Variants in ACTR3C observed in about 807,000 individuals in gnomAD.
ACTR3C encodes the protein actin related protein 3C, also known as actin-related protein 3C.
In ACTR3C, 18 loss-of-function variants were observed where a neutral mutation model predicts 26.3. The ratio of observed to expected loss-of-function variants is 0.68; its 90% CI spans 0.47 to 1.01. The LOEUF (loss-of-function observed/expected upper bound fraction) is 1.01. Ranked by LOEUF, ACTR3C falls within the 50% of genes least tolerant of loss-of-function variation. The probability of loss-of-function intolerance (pLI) is 0.00; values close to 1 mark genes in which losing one functional copy is unlikely to be tolerated. For missense variants in ACTR3C, 184 were observed against 250.7 expected (o/e 0.73, Z 1.80); for synonymous variants, 55 against 94.5 (o/e 0.58, Z 2.42).
chr7:150,011,803 G>A, the ACTR3C span, among the ~76,000 whole-genome samples: 11 of 152,070 alleles, frequency 7.2e-5, no homozygotes, highest in African/African-American at 2.4e-4. Flanking sequence ...TACTGTGTTC[G>A]TTCAGCAAAC....
the ACTR3C span, among the ~76,000 whole-genome samples, chr7:149,995,544 G>C: frequency 2.6e-5 from 4 of 152,280 alleles, no homozygotes; most frequent in African/African-American, 9.6e-5. Context: ...TGCAGAGAAA[G>C]CTGCACAGAC....
At chr7:150,166,006 A>G in the ACTR3C span, among the ~76,000 whole-genome samples, 1 of 151,710 alleles carries the variant, frequency 6.6e-6, no homozygotes, top group Non-Finnish European at 1.5e-5. Flanking sequence ...GAAAACTGAA[A>G]CACACATGAT....
the ACTR3C span, among the ~76,000 whole-genome samples, chr7:150,088,388 A>C: frequency 6.6e-6 from 1 of 152,312 alleles, no homozygotes; most frequent in East Asian, 1.9e-4. Flanking sequence ...TTTAGTTTTT[A>C]ATTTAGATCT....
At chr7:150,060,374 A>AC in the ACTR3C span, among the ~76,000 whole-genome samples, 2 of 150,220 alleles carry the variant, frequency 1.3e-5, no homozygotes, top group Non-Finnish European at 2.9e-5. Context: ...TTAAAAAGTG[A>AC]CAAAAAAACA....
chr7:149,896,053 A>C, the ACTR3C span, among the ~76,000 whole-genome samples: 3 of 148,116 alleles, frequency 2.0e-5, no homozygotes, highest in African/African-American at 2.5e-5. Context: ...AAAAAAAAAA[A>C]AAACACAAAA....
the ACTR3C span, among the ~76,000 whole-genome samples, chr7:150,080,452 T>C: frequency 2.0e-5 from 3 of 151,504 alleles, no homozygotes; most frequent in Admixed American, 6.6e-5. Flanking sequence ...GAATTCAGAA[T>C]GTAAACAAAT....
chr7:150,053,151 T>C, the ACTR3C span, among the ~76,000 whole-genome samples: 4 of 148,970 alleles, frequency 2.7e-5, no homozygotes, highest in East Asian at 2.0e-4. Flanking sequence ...CTTAGGTTTT[T>C]GGAGCATGGG....
At chr7:149,897,324 T>C in the ACTR3C span, among the ~76,000 whole-genome samples, 2 of 152,252 alleles carry the variant, frequency 1.3e-5, no homozygotes, top group Non-Finnish European at 2.9e-5. Flanking sequence ...ATCTTTGGTT[T>C]GTGAGCGAAA....
the ACTR3C span, among the ~76,000 whole-genome samples, chr7:150,215,083 A>G: frequency 1.3e-5 from 2 of 150,638 alleles, no homozygotes; most frequent in Non-Finnish European, 2.9e-5. Context: ...TTAATGTCCT[A>G]AAAGGAAAAT....
At chr7:150,035,406 A>AG in the ACTR3C span, among the ~76,000 whole-genome samples, 4 of 24,778 alleles carry the variant, frequency 1.6e-4, 1 homozygote, top group South Asian at 1.0e-3. Flanking sequence ...CCTAAGATCC[A>AG]GGGGGGGAAG....
the ACTR3C span, among the ~76,000 whole-genome samples, chr7:150,222,479 T>C: frequency 1.5e-4 from 22 of 149,106 alleles, no homozygotes; most frequent in African/African-American, 5.7e-4. Flanking sequence ...CAACAATTGC[T>C]AGCACTTCAC....
chr7:150,185,381 A>C, the ACTR3C span, among the ~76,000 whole-genome samples: 1 of 152,200 alleles, frequency 6.6e-6, no homozygotes, highest in East Asian at 1.9e-4. Flanking sequence ...TTATAAATTT[A>C]AAATAGTTAA....
chr7:149,927,564 A>T, the ACTR3C span, among the ~76,000 whole-genome samples: 1 of 152,132 alleles, frequency 6.6e-6, no homozygotes, highest in African/African-American at 2.4e-5. Flanking sequence ...CCCCGTCTCT[A>T]TTAAAAATAC....
chr7:150,122,722 G>T, the ACTR3C span, among the ~76,000 whole-genome samples: 1 of 152,124 alleles, frequency 6.6e-6, no homozygotes, highest in Non-Finnish European at 1.5e-5. Context: ...ACTTGACCCA[G>T]CAATCCCACT....
intron 6 of ACTR3C, among the ~76,000 whole-genome samples, chr7:150,251,479 T>A (rs1832851545): frequency 6.6e-6 from 1 of 152,170 alleles, no homozygotes; most frequent in Non-Finnish European, 1.5e-5. Flanking sequence ...TATAACAATA[T>A]TCAACCCTTT....
the ACTR3C span, among the ~76,000 whole-genome samples, chr7:150,070,392 T>C: frequency 1.3e-5 from 2 of 152,316 alleles, no homozygotes; most frequent in South Asian, 4.1e-4. Flanking sequence ...GGAAGATGTG[T>C]ATAACATTTC....
At chr7:149,969,707 A>C in the ACTR3C span, among the ~76,000 whole-genome samples, 1 of 152,168 alleles carries the variant, frequency 6.6e-6, no homozygotes, top group Non-Finnish European at 1.5e-5. Flanking sequence ...TGACTTTGAG[A>C]TATTAATTTA....
At chr7:150,064,649 T>TACACACACACACAC in the ACTR3C span, among the ~76,000 whole-genome samples, 95 of 145,244 alleles carry the variant, frequency 6.5e-4, no homozygotes, top group African/African-American at 2.0e-3. Context: ...TATTTTCACA[T>TACACACACACACAC]ACACACACAC....
At chr7:150,230,403 A>T in the ACTR3C span, among the ~76,000 whole-genome samples, 1 of 152,126 alleles carries the variant, frequency 6.6e-6, no homozygotes, top group Non-Finnish European at 1.5e-5. Flanking sequence ...GGTGCATTTC[A>T]TCTAAGCCAG....
Sources: gnomAD v4.1 joint callset for allele counts (sites outside exome capture counted in the v4.1 genomes callset) on GRCh38, gnomAD v4.1.1 for gene constraint, MANE v1.5 for transcripts, NCBI Gene and HGNC (gene_info 2026-07-23, HGNC 2026-07-21) for gene names.